The following NRIP3 variants were observed in gnomAD, a reference collection of about 807,000 sequenced individuals.
NRIP3 encodes nuclear receptor-interacting protein 3.
Under a neutral mutation model 29.0 loss-of-function variants are expected in NRIP3, and 31 were observed. The observed-to-expected ratio is 1.07, with a 90% CI of 0.80 to 1.44. The LOEUF is 1.44. Ranked by LOEUF, NRIP3 falls within the 40% of genes most tolerant of loss-of-function variation. NRIP3 has a pLI of 0.00. For synonymous variants in NRIP3, 131 were observed against 118.3 expected, an observed-to-expected ratio of 1.11 and a Z score of -0.70; for missense variants, 314 against 297.9, an observed-to-expected ratio of 1.05 and a Z score of -0.40.
rs552816611 is a variant in NRIP3 at position 9,003,973 on chromosome 11, C to A, written c.-38G>T. The A allele has an allele frequency of 1.6e-5, 24 of 1,458,458 alleles. No homozygotes were observed. The highest frequency in any genetic ancestry group is 6.1e-5 in the East Asian group (2 of 32,866). The allele number at this position is 1,458,458 out of a possible 1,614,324, so 90.3% of individuals were successfully genotyped here. Reference sequence around the variant, plus strand: ...GGCGGCCCGGTAGCCCACAGCCCCCCGGCAGCCTCAGCCTCGAGCTCCTCC... The same window carrying A: ...GGCGGCCCGGTAGCCCACAGCCCCCAGGCAGCCTCAGCCTCGAGCTCCTCC... On this transcript the variant is annotated 5_prime_UTR_variant, in exon 1 of 7. Coordinates refer to ENST00000309166, the MANE Select transcript of NRIP3 (RefSeq NM_020645.3).
At chr11:8,994,127 T>C (rs1854659344) in intron 1 of NRIP3, among the ~76,000 whole-genome samples, 1 of 152,224 alleles carries the variant, frequency 6.6e-6, no homozygotes, top group Admixed American at 6.5e-5. Context: ...TTCAGGGCTA[T>C]TGACTCTGTT....
chr11:9,003,717 C>G, intron 1 of NRIP3, 45 bp downstream of exon 1: 1 of 1,360,212 alleles, frequency 7.4e-7, no homozygotes, highest in South Asian at 1.7e-5. Flanking sequence ...AAACGGCGGG[C>G]GCGAAGCCGC....
Position 8,984,117 on chromosome 11 carries a change from A to G in NRIP3, c.570T>C (p.Asn190=), listed in dbSNP as rs780481627. 3.7e-6 allele frequency: 6 copies of G among 1,606,022 alleles called. No individual in the cohort carries two copies. In the South Asian group the frequency reaches 6.6e-5, roughly 18 times the overall value. Residue 190 remains asparagine (N), a synonymous_variant, in exon 5 of 7, where the codon AAT becomes AAC. Transcript: ENST00000309166. ...LDCPAAVVDD[N]EKNLSLGLQT... ...GTAGACCAAGGGACAAGTTTTTCTC[A>G]TTGTCATCTAATAAAAACAAAAAAA...
chr11:8,986,406 C>T (rs1854523700), intron 3 of NRIP3, among the ~76,000 whole-genome samples: 1 of 152,092 alleles, frequency 6.6e-6, no homozygotes, highest in African/African-American at 2.4e-5. Context: ...GTTAATTTAA[C>T]TTGTCTGTGC....
At chr11:8,988,036 CCA>C in intron 2 of NRIP3, 80 bp downstream of exon 2, 1 of 1,351,104 alleles carries the variant, frequency 7.4e-7, no homozygotes, top group South Asian at 1.3e-5. Flanking sequence ...TCCATGAGAC[CCA>C]CACTCTATAA....
intron 1 of NRIP3, among the ~76,000 whole-genome samples, chr11:8,991,224 C>A (rs1312180083): frequency 6.6e-6 from 1 of 152,074 alleles, no homozygotes; most frequent in Non-Finnish European, 1.5e-5. Flanking sequence ...TGGCATGAAC[C>A]CGGGAGGCAG....
intron 4 of NRIP3, among the ~76,000 whole-genome samples, chr11:8,984,797 A>G (rs1854482959): frequency 6.6e-6 from 1 of 152,156 alleles, no homozygotes; most frequent in African/African-American, 2.4e-5. Context: ...TAGTTCATGG[A>G]AAGCTCTCAA....
At chr11:9,002,539 T>TA (rs1192630221) in intron 1 of NRIP3, among the ~76,000 whole-genome samples, 10 of 148,634 alleles carry the variant, frequency 6.7e-5, no homozygotes, top group Non-Finnish European at 1.2e-4. Context: ...AATTTTTGTA[T>TA]ATTATATTAT....
chr11:8,984,661 G>C (rs1840483620), intron 4 of NRIP3, among the ~76,000 whole-genome samples: 1 of 152,114 alleles, frequency 6.6e-6, no homozygotes, highest in Non-Finnish European at 1.5e-5. Context: ...AAAGGACAAA[G>C]GCCTTTACAC....
chr11:9,003,439 C>T (rs945824473), intron 1 of NRIP3, among the ~76,000 whole-genome samples: 2 of 152,258 alleles, frequency 1.3e-5, no homozygotes, highest in East Asian at 3.9e-4. Context: ...GCCCCGTGAA[C>T]AAAATTCGGT....
chr11:8,983,824 G>T (rs374718722), intron 6 of NRIP3, 51 bp downstream of exon 6: 5 of 1,462,360 alleles, frequency 3.4e-6, no homozygotes, highest in Non-Finnish European at 4.8e-6. Context: ...CACCCTGCTC[G>T]CAGCTGATGA....
In NRIP3 at chr11:8,981,298, C is replaced by G. The variant is rs1854412257; in HGVS notation, c.*2247G>C. ...TCCTAGCTAACACGGTGAAACCCGT[C>G]TCTACTAAAAATACAAAAAATTAGC... is the stretch of plus-strand genomic sequence containing the variant. On this transcript the variant is annotated 3_prime_UTR_variant, in exon 7 of 7. Transcript: ENST00000309166. The G allele has an allele frequency of 6.6e-6, 1 of 151,396 alleles. No individual in the cohort carries two copies. The highest frequency in any genetic ancestry group is 2.1e-4 in the South Asian group (1 of 4,782). 9.4% of individuals were successfully genotyped at this position (151,396 alleles called of 1,614,324 possible).
chr11:8,991,107 C>T (rs1433534799), intron 1 of NRIP3, among the ~76,000 whole-genome samples: 2 of 152,134 alleles, frequency 1.3e-5, no homozygotes, highest in Admixed American at 6.5e-5. Context: ...GGAGACCATT[C>T]TGGCTAACAC....
At chr11:9,003,529 A>C (rs557346940) in intron 1 of NRIP3, among the ~76,000 whole-genome samples, 1 of 152,230 alleles carries the variant, frequency 6.6e-6, no homozygotes, top group African/African-American at 2.4e-5. Context: ...GAGAAGAGAC[A>C]TCCAGGGAGG....
chr11:8,981,042 A>AT lies in NRIP3; in HGVS notation c.*2502dup, dbSNP rs1391190764. The AT allele has an allele frequency of 6.6e-6, 1 of 152,166 alleles. No homozygotes were observed. The highest frequency in any genetic ancestry group is 1.5e-5 in the Non-Finnish European group (1 of 68,066). 9.4% of individuals were successfully genotyped at this position (152,166 alleles called of 1,614,324 possible). On this transcript the variant is annotated 3_prime_UTR_variant, in exon 7 of 7. Transcript: ENST00000309166. ...CACACCCTCAATGTAAGGTACCAGAATTTTTTAGGACTCCTGGGAAAAACT... is the reference window on the plus strand; with the variant it reads ...CACACCCTCAATGTAAGGTACCAGAATTTTTTTAGGACTCCTGGGAAAAACT...
At position 8,983,954 on chromosome 11, in the gene NRIP3, C is replaced by G; in HGVS notation, c.631G>C (p.Asp211His). The change falls in exon 6 of 7, where the codon GAT (aspartate) becomes CAT (histidine). Residue 211 changes from aspartate to histidine, a missense_variant. Physicochemically the swap from Asp to His is moderately conservative, Grantham distance 81. Coordinates refer to ENST00000309166, the MANE Select transcript of NRIP3 (RefSeq NM_020645.3). ...LRSLKCIINLDKHRLIMGKTD... is the reference protein window; with the variant it reads ...LRSLKCIINLHKHRLIMGKTD... ...TTCCCCATGATCAGCCGGTGCTTAT[C>G]CAAGTTTATGATGCACTGAAAACAG... 1 of 1,614,132 alleles carries G rather than the reference C, an allele frequency of 6.2e-7. No homozygotes were observed. Among genetic ancestry groups the G allele is most frequent in the Non-Finnish European group, 8.5e-7 (1 of 1,180,008 alleles).
At chr11:8,984,414 C>G (rs1295448723) in intron 4 of NRIP3, among the ~76,000 whole-genome samples, 1 of 152,134 alleles carries the variant, frequency 6.6e-6, no homozygotes, top group Non-Finnish European at 1.5e-5. Flanking sequence ...CAGCACCCAC[C>G]ACCACGCTTG....
chr11:8,986,924 A>AG (rs1412603305), intron 3 of NRIP3, among the ~76,000 whole-genome samples: 1 of 152,218 alleles, frequency 6.6e-6, no homozygotes, highest in Non-Finnish European at 1.5e-5. Context: ...AGGCTGAGGC[A>AG]GGAGGATCAC....
chr11:9,001,953 A>AC (rs1162288360), intron 1 of NRIP3, among the ~76,000 whole-genome samples: 2 of 152,242 alleles, frequency 1.3e-5, no homozygotes, highest in Non-Finnish European at 2.9e-5. Flanking sequence ...TCAAGGCAAT[A>AC]TCCTGCTTCT....
Sources: gnomAD v4.1 joint callset for allele counts (sites outside exome capture counted in the v4.1 genomes callset) on GRCh38, gnomAD v4.1.1 for gene constraint, MANE v1.5 for transcripts, NCBI Gene and HGNC (gene_info 2026-07-23, HGNC 2026-07-21) for gene names.